LGI1: variants seen among roughly 807,000 people sequenced by gnomAD.
LGI1 encodes leucine rich glioma inactivated 1.
Under a neutral mutation model 57.7 loss-of-function variants are expected in LGI1, and 11 were observed. The ratio of observed to expected loss-of-function variants is 0.19; its 90% CI spans 0.12 to 0.32. The LOEUF is 0.32. Ranked by LOEUF, LGI1 falls within the 10% of genes least tolerant of loss-of-function variation. The probability of loss-of-function intolerance (pLI) is 1.00; values close to 1 mark genes in which losing one functional copy is unlikely to be tolerated. For synonymous variants in LGI1, 222 were observed against 241.9 expected (o/e 0.92, Z 0.76); for missense variants, 422 against 661.9 (o/e 0.64, Z 3.98).
chr10:93,780,173 T>C (rs1337761846), intron 4 of LGI1: 1 of 153,002 alleles, frequency 6.5e-6, no homozygotes, highest in Non-Finnish European at 1.5e-5. Flanking sequence ...CCTTTCAAAT[T>C]ATGCTATTCT....
At chr10:93,778,345 T>TCACA (rs60017902) in intron 4 of LGI1, among the ~76,000 whole-genome samples, 3 of 148,644 alleles carry the variant, frequency 2.0e-5, no homozygotes, top group African/African-American at 7.4e-5. Flanking sequence ...ACAAACACAT[T>TCACA]CACACACACA....
In LGI1 at chr10:93,796,947, C is replaced by T. The variant is rs763651390; in HGVS notation, c.839-21C>T. On this transcript the variant is annotated intron_variant, in intron 7 of 7. Coordinates refer to ENST00000371418, the MANE Select transcript of LGI1 (RefSeq NM_005097.4). ...AAAAGAGGATGGCCACACAACTAATCTCTCCTTTGTCTTTTCCCAGGCACA... is the reference window on the plus strand; with the variant it reads ...AAAAGAGGATGGCCACACAACTAATTTCTCCTTTGTCTTTTCCCAGGCACA... The T allele has an allele frequency of 1.9e-6, 3 of 1,582,974 alleles. No homozygotes were observed. The South Asian group carries it at 3.3e-5, about 17-fold the overall frequency.
chr10:93,770,514 C>G (rs1459264835), intron 2 of LGI1: 1 of 152,486 alleles, frequency 6.6e-6, no homozygotes, highest in Non-Finnish European at 1.5e-5. Context: ...ATTTACTTCT[C>G]TGTTGCTGGC....
At position 93,797,423 on chromosome 10, in the gene LGI1, G is replaced by A; in HGVS notation, c.1294G>A (p.Val432Met). 6.2e-7 allele frequency: 1 copy of A among 1,614,230 alleles called. No homozygotes were observed. Among genetic ancestry groups the A allele is most frequent in the Non-Finnish European group, 8.5e-7 (1 of 1,180,040 alleles). ...NQTDIPNMED[V>M]YAVKHFSVKG... ...AACTGACATTCCTAACATGGAGGAT[G>A]TGTACGCAGTGAAGCACTTCTCAGT... The change falls in exon 8 of 8, where the codon GTG becomes ATG. Residue 432 changes from valine (V) to methionine (M), a missense_variant. Coordinates refer to ENST00000371418, the MANE Select transcript of LGI1 (RefSeq NM_005097.4). This position sits in a 1 kb window ranked among gnomAD's most constrained non-coding sequence, Gnocchi z 6.5.
At chr10:93,795,863 A>T (rs1264944717) in intron 7 of LGI1, among the ~76,000 whole-genome samples, 1 of 152,266 alleles carries the variant, frequency 6.6e-6, no homozygotes, top group Non-Finnish European at 1.5e-5. Flanking sequence ...TCATACAATC[A>T]GTTTAGCCCT....
intron 3 of LGI1, 24 bp from the exon 4 acceptor site, chr10:93,777,522 A>G: frequency 1.9e-6 from 3 of 1,611,526 alleles, no homozygotes; most frequent in Non-Finnish European, 2.5e-6. Context: ...ACTGTTTGAC[A>G]AAAAATATTA....
intron 4 of LGI1, chr10:93,782,632 A>G (rs2059856188): frequency 6.6e-6 from 1 of 152,206 alleles, no homozygotes; most frequent in South Asian, 2.1e-4. Flanking sequence ...AAAAACTAAA[A>G]CTCACTGCAT....
At chr10:93,775,088 A>T (rs1391734730) in intron 2 of LGI1, among the ~76,000 whole-genome samples, 2 of 152,340 alleles carry the variant, frequency 1.3e-5, no homozygotes, top group East Asian at 3.9e-4. Context: ...AAATTGAAGT[A>T]TAATATACAT....
intron 4 of LGI1, among the ~76,000 whole-genome samples, chr10:93,783,337 C>T (rs2059865101): frequency 6.6e-6 from 1 of 152,210 alleles, no homozygotes; most frequent in African/African-American, 2.4e-5. Context: ...GATCGCGCCA[C>T]TGCACTCCAG....
At chr10:93,777,946 G>C (rs1328054370) in intron 4 of LGI1, among the ~76,000 whole-genome samples, 3 of 152,134 alleles carry the variant, frequency 2.0e-5, no homozygotes, top group Non-Finnish European at 4.4e-5. Flanking sequence ...TTTGATATCA[G>C]CTTTTTTTCC....
At chr10:93,765,163 C>T (rs554465563) in intron 2 of LGI1, 21 of 152,268 alleles carry the variant, frequency 1.4e-4, no homozygotes, top group African/African-American at 5.1e-4. Context: ...GGGTTTGAAA[C>T]TCAGTTTGGC....
Position 93,793,245 on chromosome 10 carries a change from T to C in LGI1, c.733T>C (p.Leu245=), listed in dbSNP as rs2059951380. 6.2e-7 allele frequency: 1 copy of C among 1,613,198 alleles called. No individual in the cohort carries two copies. Among genetic ancestry groups the C allele is most frequent in the Non-Finnish European group, 8.5e-7 (1 of 1,179,396 alleles). The part of the protein sequence containing the change: ...QSLSIDTFSY[L]NDEYVVIAQP... ...ATTGTCCATAGACACTTTTTCTTATTTGAATGATGAGTATGTAGTCATCGC... is the reference window on the plus strand; with the variant it reads ...ATTGTCCATAGACACTTTTTCTTATCTGAATGATGAGTATGTAGTCATCGC... Residue 245 remains leucine (L), a synonymous_variant, in exon 7 of 8, where the codon TTG becomes CTG. Coordinates refer to ENST00000371418, the MANE Select transcript of LGI1 (RefSeq NM_005097.4).
At chr10:93,759,167 G>C in intron 2 of LGI1, 1 of 364,506 alleles carries the variant, frequency 2.7e-6, no homozygotes, top group Non-Finnish European at 5.1e-6. Flanking sequence ...TGGAGTTTTT[G>C]AATTAGTCAA....
chr10:93,764,358 T>A (rs1417729641), intron 2 of LGI1: 1 of 152,150 alleles, frequency 6.6e-6, no homozygotes, highest in Non-Finnish European at 1.5e-5. Context: ...AGTGCTGGGA[T>A]TATGGGTATG....
intron 7 of LGI1, among the ~76,000 whole-genome samples, chr10:93,794,362 C>CTTTTTTTTTTT (rs71031540): frequency 9.9e-6 from 1 of 101,190 alleles, no homozygotes; most frequent in Non-Finnish European, 1.8e-5. Context: ...CTGGATCTCT[C>CTTTTTTTTTTT]TTTTTTTTTT....
Position 93,797,983 on chromosome 10 carries a change from G to A in LGI1, c.*180G>A, listed in dbSNP as rs544656851. 1.2e-3 allele frequency: 728 copies of A among 632,098 alleles called. No individual in the cohort carries two copies. Among genetic ancestry groups the A allele is most frequent in the Non-Finnish European group, 1.8e-3 (649 of 353,830 alleles). 39.2% of individuals were successfully genotyped at this position (632,098 alleles called of 1,614,324 possible). A position where few individuals can be genotyped will look rare whatever the true frequency, so the allele number is the denominator to read the frequency against. On this transcript the variant is annotated 3_prime_UTR_variant, in exon 8 of 8. Coordinates refer to ENST00000371418, the MANE Select transcript of LGI1 (RefSeq NM_005097.4). The surrounding 1 kb of genome is among the most constrained non-coding windows in gnomAD (Gnocchi z 6.5). ...ACTGTCCAGTCCAGTGATGTGGGAA[G>A]TTACCTTTTATAAGACAAAATTTAA... is the stretch of plus-strand genomic sequence containing the variant.
At chr10:93,759,221 G>C in intron 2 of LGI1, 1 of 244,154 alleles carries the variant, frequency 4.1e-6, no homozygotes, top group Non-Finnish European at 8.0e-6. Flanking sequence ...GTTGTCTCCG[G>C]GGATCTGGGG....
At chr10:93,777,989 C>T (rs1049234498) in intron 4 of LGI1, among the ~76,000 whole-genome samples, 2 of 152,102 alleles carry the variant, frequency 1.3e-5, no homozygotes, top group Non-Finnish European at 2.9e-5. Context: ...TACATTTAAA[C>T]ATAATATAGC....
intron 5 of LGI1, 34 bp from the exon 6 acceptor site, chr10:93,792,709 T>G (rs1006504365): frequency 1.9e-6 from 3 of 1,610,890 alleles, no homozygotes; most frequent in Non-Finnish European, 2.5e-6. Flanking sequence ...GTAGGGCCCT[T>G]GTACAGCAAA....
Sources: gnomAD v4.1 joint callset for allele counts (sites outside exome capture counted in the v4.1 genomes callset) on GRCh38, gnomAD v4.1.1 for gene constraint, Gnocchi (gnomAD v3.1) non-coding constraint, MANE v1.5 for transcripts, NCBI Gene and HGNC (gene_info 2026-07-23, HGNC 2026-07-21) for gene names.